HIBADH: variants seen among roughly 807,000 people sequenced by gnomAD.
HIBADH encodes 3-hydroxyisobutyrate dehydrogenase, also known as 3-hydroxyisobutyrate dehydrogenase, mitochondrial.
In HIBADH, 25 loss-of-function variants were observed where a neutral mutation model predicts 36.1. The ratio of observed to expected loss-of-function variants is 0.69; its 90% CI spans 0.50 to 0.97. The LOEUF (loss-of-function observed/expected upper bound fraction) is 0.97. HIBADH is among the 50% of genes least tolerant of loss of function. The pLI, the probability that HIBADH is intolerant of heterozygous loss-of-function variation, is 0.00. For synonymous variants in HIBADH, 160 were observed against 149.5 expected (o/e 1.07, Z -0.51); for missense variants, 421 against 418.0 (o/e 1.01, Z -0.06).
intron 3 of HIBADH, among the ~76,000 whole-genome samples, chr7:27,631,526 AAGTT>A (rs1785745478): frequency 6.6e-6 from 1 of 152,208 alleles, no homozygotes; most frequent in Admixed American, 6.5e-5. Flanking sequence ...ACAACAAAAT[AAGTT>A]AGGAATAGAA....
chr7:27,559,627 ACT>A (rs905246519), intron 4 of HIBADH, among the ~76,000 whole-genome samples: 2 of 152,056 alleles, frequency 1.3e-5, no homozygotes, highest in South Asian at 2.1e-4. Flanking sequence ...ACAGAGCAAG[ACT>A]CTGTCTCAAA....
At chr7:27,565,513 T>C (rs1479211442) in intron 4 of HIBADH, among the ~76,000 whole-genome samples, 4 of 152,264 alleles carry the variant, frequency 2.6e-5, no homozygotes, top group Non-Finnish European at 5.9e-5. Context: ...TTTCTGTATG[T>C]TGACCTTGTG....
chr7:27,649,438 C>G (rs1413406247), intron 2 of HIBADH, 35 bp downstream of exon 2: 1 of 1,527,544 alleles, frequency 6.5e-7, no homozygotes, highest in Non-Finnish European at 8.8e-7. Context: ...TTTTCATTCT[C>G]AAAATCTAAA....
At chr7:27,620,375 C>A (rs1244018134) in intron 4 of HIBADH, among the ~76,000 whole-genome samples, 1 of 151,706 alleles carries the variant, frequency 6.6e-6, no homozygotes, top group Non-Finnish European at 1.5e-5. Flanking sequence ...CATCTGGTCA[C>A]CTATAAAGGG....
Position 27,618,849 on chromosome 7 carries a change from G to A in HIBADH, c.484+10522C>T, listed in dbSNP as rs964915420. 3.9e-5 allele frequency among the ~76,000 whole-genome samples: 6 copies of A among 152,048 alleles called. No individual in the cohort carries two copies. In the South Asian group the frequency reaches 1.2e-3, roughly 32 times the overall value. On this transcript the variant is annotated intron_variant, in intron 4 of 7. Transcript: ENST00000265395. ...GGCCAGAGTGGGAGCAAGAGAGAAG[G>A]GGGAAGGTGCCACACACTTTTAAAC...
intron 4 of HIBADH, among the ~76,000 whole-genome samples, chr7:27,574,443 C>A (rs544195089): frequency 6.6e-6 from 1 of 151,900 alleles, no homozygotes; most frequent in South Asian, 2.1e-4. Context: ...ATAATAGGGA[C>A]CTAAATATAT....
At chr7:27,630,878 T>C (rs1033591965) in intron 3 of HIBADH, among the ~76,000 whole-genome samples, 3 of 152,196 alleles carry the variant, frequency 2.0e-5, no homozygotes, top group Non-Finnish European at 2.9e-5. Flanking sequence ...TAGGTTTCTC[T>C]TTAGCCTAAA....
rs140501381 is a variant in HIBADH, at chr7:27,531,225, A to C, written c.819T>G (p.Tyr273Ter). 6.2e-7 allele frequency: 1 copy of C among 1,613,896 alleles called. No homozygotes were observed. Among genetic ancestry groups the C allele is most frequent in the South Asian group, 1.1e-5 (1 of 91,040 alleles). ...VMDGVPSANNYQGGFGTTLMA... is the reference protein window; with the variant it reads ...VMDGVPSANN ...TGAGTGTTGTTCCAAATCCACCCTG[A>C]TAGTTATTAGCCGAGGGAACGCCAT... The change falls in exon 7 of 8, where the codon TAT becomes TAG. Residue 273 changes from tyrosine to a stop codon, truncating the protein, a stop_gained. Coordinates refer to ENST00000265395, the MANE Select transcript of HIBADH (RefSeq NM_152740.4). LOFTEE classifies it high-confidence loss of function.
intron 4 of HIBADH, among the ~76,000 whole-genome samples, chr7:27,545,020 C>T (rs772505004): frequency 6.6e-6 from 1 of 152,226 alleles, no homozygotes; most frequent in Non-Finnish European, 1.5e-5. Flanking sequence ...TCATAACCTA[C>T]ATCCCAAAGT....
chr7:27,615,603 A>G (rs1430531978), intron 4 of HIBADH, among the ~76,000 whole-genome samples: 1 of 152,086 alleles, frequency 6.6e-6, no homozygotes, highest in Non-Finnish European at 1.5e-5. Flanking sequence ...TCACAGCACA[A>G]TGCATTATTC....
chr7:27,649,443 T>C, intron 2 of HIBADH, 30 bp downstream of exon 2: 1 of 1,546,304 alleles, frequency 6.5e-7, no homozygotes, highest in Non-Finnish European at 8.8e-7. Context: ...ATTCTCAAAA[T>C]CTAAAACAAA....
chr7:27,576,751 C>T (rs897566835), intron 4 of HIBADH, among the ~76,000 whole-genome samples: 1 of 152,136 alleles, frequency 6.6e-6, no homozygotes, highest in Non-Finnish European at 1.5e-5. Flanking sequence ...TGCTTCTACC[C>T]AAGTGTCACA....
chr7:27,569,489 C>T (rs1266996692), intron 4 of HIBADH, among the ~76,000 whole-genome samples: 1 of 152,106 alleles, frequency 6.6e-6, no homozygotes, highest in Non-Finnish European at 1.5e-5. Context: ...CAGCCAGGAG[C>T]CAGCCTGATA....
Position 27,637,294 on chromosome 7 carries a change from G to T in HIBADH, c.253-4849C>A, listed in dbSNP as rs73284486. On this transcript the variant is annotated intron_variant, in intron 2 of 7. Coordinates refer to ENST00000265395, the MANE Select transcript of HIBADH (RefSeq NM_152740.4). ...CAGAGCTGAGATGTGAGCCCAGACA[G>T]TTTGGTTCCGGGGTTTATATTTTTA... Among the ~76,000 whole-genome samples, 730 of 152,278 alleles carry T rather than the reference G, an allele frequency of 4.8e-3. 6 individuals are homozygous for T. The highest frequency in any genetic ancestry group is 0.017 in the African/African-American group (702 of 41,556).
chr7:27,618,048 C>T (rs1441831964), intron 4 of HIBADH, among the ~76,000 whole-genome samples: 1 of 152,226 alleles, frequency 6.6e-6, no homozygotes, highest in African/African-American at 2.4e-5. Context: ...TGAGAAATGA[C>T]TCCAAGCCCA....
At chr7:27,534,103 C>A (rs1388782682) in intron 6 of HIBADH, among the ~76,000 whole-genome samples, 1 of 152,160 alleles carries the variant, frequency 6.6e-6, no homozygotes. Context: ...CAAATCTACT[C>A]ACCTCTAAAA....
intron 4 of HIBADH, among the ~76,000 whole-genome samples, chr7:27,579,337 T>A (rs530873325): frequency 1.3e-5 from 2 of 152,254 alleles, no homozygotes; most frequent in Admixed American, 1.3e-4. Context: ...AGAGAACACA[T>A]AAATTGAAAT....
intron 7 of HIBADH, among the ~76,000 whole-genome samples, chr7:27,528,548 T>A (rs1231257458): frequency 6.6e-6 from 1 of 152,218 alleles, no homozygotes; most frequent in Non-Finnish European, 1.5e-5. Context: ...AACATTCCCT[T>A]AAACCAAAGC....
At chr7:27,604,308 G>C (rs527677561) in intron 4 of HIBADH, among the ~76,000 whole-genome samples, 1 of 152,180 alleles carries the variant, frequency 6.6e-6, no homozygotes, top group Non-Finnish European at 1.5e-5. Flanking sequence ...ATCATTACAT[G>C]AGATTTGTAT....
Sources: allele counts gnomAD v4.1 joint callset (sites outside exome capture counted in the v4.1 genomes callset), GRCh38; gene constraint gnomAD v4.1.1; transcripts MANE v1.5; gene names NCBI Gene and HGNC (gene_info 2026-07-23, HGNC 2026-07-21).